PRPF18: variants seen among roughly 807,000 people sequenced by gnomAD.
PRPF18 encodes pre-mRNA processing factor 18.
In PRPF18, 38 loss-of-function variants were observed where a neutral mutation model predicts 46.5. That is an observed-to-expected ratio of 0.82 (90% CI 0.63 to 1.07). The LOEUF (loss-of-function observed/expected upper bound fraction) is 1.07. PRPF18 is among the 50% of genes least tolerant of loss of function. PRPF18 has a pLI of 0.00. For synonymous variants in PRPF18, 152 were observed against 146.7 expected, an observed-to-expected ratio of 1.04 and a Z score of -0.26; for missense variants, 263 against 410.0, an observed-to-expected ratio of 0.64 and a Z score of 3.10.
At chr10:13,617,655 C>T (rs1015715170) in intron 9 of PRPF18, among the ~76,000 whole-genome samples, 2 of 152,038 alleles carry the variant, frequency 1.3e-5, no homozygotes, top group South Asian at 4.1e-4. Context: ...TATAAAAGTT[C>T]ATATGATTAA....
rs555207704 is a variant in PRPF18, at chr10:13,592,060, T to C, written c.66+4908T>C. On this transcript the variant is annotated intron_variant, in intron 1 of 9. Transcript: ENST00000378572. ...TCACCACCAACTGGTTTTGTAACAG[T>C]TGCAAGAACCTTCTTTTTCTTTTCA... 8.0e-5 allele frequency: 47 copies of C among 584,524 alleles called. No homozygotes were observed. The African/African-American group carries it at 9.0e-4, about 11-fold the overall frequency. The allele number at this position is 584,524 out of a possible 1,614,324, so 36.2% of individuals were successfully genotyped here. A position where few individuals can be genotyped will look rare whatever the true frequency, so the allele number is the denominator to read the frequency against.
At chr10:13,654,148 G>A in the PRPF18 span, 2 of 554,784 alleles carry the variant, frequency 3.6e-6, no homozygotes, top group East Asian at 3.0e-5. Flanking sequence ...AAGAAGCACA[G>A]TCCCACTTCG....
At chr10:13,631,633 C>G (rs533812094), downstream of PRPF18, 5 of 152,276 alleles carry the variant, frequency 3.3e-5, no homozygotes, top group African/African-American at 9.6e-5. Flanking sequence ...TTTCAGGAGC[C>G]CTGTGTTTAG....
downstream of PRPF18, among the ~76,000 whole-genome samples, chr10:13,635,303 C>T (rs1457403868): frequency 6.6e-6 from 1 of 152,164 alleles, no homozygotes; most frequent in Non-Finnish European, 1.5e-5. Context: ...CATTGGTGGG[C>T]ATTTGGGTTG....
At chr10:13,648,452 C>T in the PRPF18 span, among the ~76,000 whole-genome samples, 2 of 152,126 alleles carry the variant, frequency 1.3e-5, no homozygotes, top group African/African-American at 4.8e-5. Flanking sequence ...TCCACGTGGT[C>T]CTGGTGGTGC....
downstream of PRPF18, among the ~76,000 whole-genome samples, chr10:13,634,899 A>G (rs1027395175): frequency 2.0e-5 from 3 of 152,046 alleles, no homozygotes; most frequent in African/African-American, 7.2e-5. Flanking sequence ...TCAAACTTTT[A>G]TGTTAATTTC....
intron 3 of PRPF18, among the ~76,000 whole-genome samples, chr10:13,604,900 T>C (rs962586644): frequency 6.6e-6 from 1 of 152,224 alleles, no homozygotes; most frequent in Non-Finnish European, 1.5e-5. Flanking sequence ...AGAACAGTTA[T>C]AATTATGTAA....
chr10:13,616,358 AT>A (rs1564459542), intron 8 of PRPF18, 39 bp from the exon 9 acceptor site: 2 of 1,558,396 alleles, frequency 1.3e-6, no homozygotes, highest in Non-Finnish European at 1.8e-6. Flanking sequence ...CCAGTACAAC[AT>A]TTTCGCCTTT....
At chr10:13,588,576 T>TA (rs771376532) in intron 1 of PRPF18, among the ~76,000 whole-genome samples, 19,609 of 127,204 alleles carry the variant, frequency 0.15, 1,506 homozygotes, top group East Asian at 0.33. Context: ...TCCCTGTCTC[T>TA]AAAAAAAAAA....
chr10:13,634,708 A>C (rs1406593712), downstream of PRPF18, among the ~76,000 whole-genome samples: 1 of 152,224 alleles, frequency 6.6e-6, no homozygotes, highest in African/African-American at 2.4e-5. Context: ...TTACATGTAC[A>C]CAGGCACGTC....
chr10:13,591,472 G>A, intron 1 of PRPF18: 1 of 628,122 alleles, frequency 1.6e-6, no homozygotes, highest in Non-Finnish European at 2.9e-6. Flanking sequence ...ACACCAATTT[G>A]TGAGGATAAA....
chr10:13,628,928 G>A (rs765876329), intron 9 of PRPF18, among the ~76,000 whole-genome samples: 7 of 152,102 alleles, frequency 4.6e-5, no homozygotes, highest in African/African-American at 1.4e-4. Context: ...GCCTGTTTGC[G>A]CACGGTATTG....
the PRPF18 span, chr10:13,654,014 C>G: frequency 3.0e-6 from 1 of 331,116 alleles, no homozygotes; most frequent in South Asian, 7.6e-5. Context: ...GGCTGTTTCA[C>G]CTGCCCCAGT....
chr10:13,617,424 AT>A (rs2080360982), intron 9 of PRPF18, among the ~76,000 whole-genome samples: 1 of 152,190 alleles, frequency 6.6e-6, no homozygotes, highest in African/African-American at 2.4e-5. Context: ...TTAAAATATG[AT>A]TTCAATCGGA....
At chr10:13,639,323 C>CA in the PRPF18 span, 53 of 152,316 alleles carry the variant, frequency 3.5e-4, no homozygotes, top group African/African-American at 1.3e-3. Flanking sequence ...TGTGTTCTCT[C>CA]CAAATCTCCA....
At chr10:13,616,307 C>T in intron 8 of PRPF18, 91 bp from the exon 9 acceptor site, 3 of 1,333,170 alleles carry the variant, frequency 2.3e-6, no homozygotes, top group Non-Finnish European at 3.1e-6. Flanking sequence ...ACGAAAATTA[C>T]ATCATAAAGG....
At chr10:13,635,701 T>G (rs1450709770), downstream of PRPF18, among the ~76,000 whole-genome samples, 4 of 152,202 alleles carry the variant, frequency 2.6e-5, no homozygotes, top group African/African-American at 9.7e-5. Context: ...TCTTCTTTTG[T>G]GAAGTGTCTG....
intron 9 of PRPF18, among the ~76,000 whole-genome samples, chr10:13,617,852 CT>C (rs1343687787): frequency 6.6e-6 from 1 of 152,076 alleles, no homozygotes; most frequent in Non-Finnish European, 1.5e-5. Context: ...AAAAAAAATT[CT>C]TCTTTTGCCC....
the PRPF18 span, chr10:13,644,237 G>A: frequency 3.9e-5 from 6 of 152,272 alleles, no homozygotes; most frequent in East Asian, 3.9e-4. Flanking sequence ...TTACGCATCC[G>A]AAGAATCCAA....
Sources: allele counts gnomAD v4.1 joint callset (sites outside exome capture counted in the v4.1 genomes callset), GRCh38; gene constraint gnomAD v4.1.1; transcripts MANE v1.5; gene names NCBI Gene and HGNC (gene_info 2026-07-23, HGNC 2026-07-21).